NECAB1: variants seen among roughly 807,000 people sequenced by gnomAD.
NECAB1 encodes N-terminal EF-hand calcium-binding protein 1.
Under a neutral mutation model 57.5 loss-of-function variants are expected in NECAB1, and 29 were observed. That is an observed-to-expected ratio of 0.50 (90% CI 0.38 to 0.69). The LOEUF is 0.69. Among genes scored for constraint, NECAB1 ranks in the 30% least tolerant of loss-of-function variants. NECAB1 has a pLI of 0.00. For synonymous variants in NECAB1, 142 were observed against 147.7 expected (o/e 0.96, Z 0.28); for missense variants, 372 against 413.8 (o/e 0.90, Z 0.88).
intron 3 of NECAB1, among the ~76,000 whole-genome samples, chr8:90,825,727 T>C (rs1382762197): frequency 6.6e-6 from 1 of 151,928 alleles, no homozygotes; most frequent in East Asian, 1.9e-4. Flanking sequence ...AAATTCACTT[T>C]ACTCAAGCTG....
At chr8:90,898,211 C>A (rs1253088190) in intron 5 of NECAB1, among the ~76,000 whole-genome samples, 1 of 152,110 alleles carries the variant, frequency 6.6e-6, no homozygotes, top group Non-Finnish European at 1.5e-5. Flanking sequence ...CCTGGCTGCT[C>A]CCATGAGAAT....
intron 5 of NECAB1, among the ~76,000 whole-genome samples, chr8:90,915,140 T>C (rs757975770): frequency 4.6e-5 from 7 of 152,196 alleles, no homozygotes; most frequent in Non-Finnish European, 7.4e-5. Context: ...ATATTAGTCA[T>C]AGTATATACT....
intron 4 of NECAB1, among the ~76,000 whole-genome samples, chr8:90,875,204 G>A (rs1361941122): frequency 2.6e-5 from 4 of 152,124 alleles, no homozygotes; most frequent in East Asian, 1.9e-4. Flanking sequence ...AGTTGAGGCC[G>A]GGCGCGGTGG....
intron 3 of NECAB1, among the ~76,000 whole-genome samples, chr8:90,852,707 C>T (rs1196638522): frequency 1.3e-5 from 2 of 152,176 alleles, no homozygotes; most frequent in Non-Finnish European, 2.9e-5. Flanking sequence ...GACAGTGTAA[C>T]TTTGGAGAAG....
At chr8:90,894,904 T>C (rs760625784) in intron 5 of NECAB1, among the ~76,000 whole-genome samples, 3 of 152,210 alleles carry the variant, frequency 2.0e-5, no homozygotes, top group Non-Finnish European at 2.9e-5. Context: ...TAAGTGTAAG[T>C]GCTTCATGAG....
intron 4 of NECAB1, among the ~76,000 whole-genome samples, chr8:90,873,005 C>T (rs925215027): frequency 3.3e-5 from 5 of 151,988 alleles, no homozygotes; most frequent in African/African-American, 1.2e-4. Context: ...TAAAAAAAGG[C>T]CATTTTCTTA....
chr8:90,835,555 A>G (rs1812357807), intron 3 of NECAB1, among the ~76,000 whole-genome samples: 1 of 152,032 alleles, frequency 6.6e-6, no homozygotes. Context: ...AAATAATAAT[A>G]ATAATTATTA....
chr8:90,950,965 G>T, intron 11 of NECAB1, 148 bp from the exon 12 acceptor site: 1 of 403,914 alleles, frequency 2.5e-6, no homozygotes, highest in Non-Finnish European at 4.4e-6. Context: ...TTTGAAAGCT[G>T]AACAACCATT....
At chr8:90,951,403 C>T (rs1476373789) in intron 12 of NECAB1, among the ~76,000 whole-genome samples, 199 bp downstream of exon 12, 2 of 151,966 alleles carry the variant, frequency 1.3e-5, no homozygotes, top group East Asian at 1.9e-4. Flanking sequence ...TTAGTTGACC[C>T]TATTTGTATT....
At chr8:90,878,348 G>A (rs1808768451) in intron 4 of NECAB1, among the ~76,000 whole-genome samples, 1 of 152,124 alleles carries the variant, frequency 6.6e-6, no homozygotes, top group African/African-American at 2.4e-5. Flanking sequence ...AGGTTTGTTA[G>A]GCCACAGAAT....
intron 3 of NECAB1, among the ~76,000 whole-genome samples, chr8:90,841,557 A>ACTTAGG (rs1422306791): frequency 1.3e-5 from 2 of 152,216 alleles, no homozygotes; most frequent in African/African-American, 4.8e-5. Flanking sequence ...ATTGGAGGCC[A>ACTTAGG]CTTAGGCTTG....
chr8:90,909,715 T>C (rs1809781510), intron 5 of NECAB1, among the ~76,000 whole-genome samples: 1 of 152,150 alleles, frequency 6.6e-6, no homozygotes, highest in South Asian at 2.1e-4. Context: ...TTGCTCTATA[T>C]GTCTCCATGC....
chr8:90,947,651 T>C (rs749893060), intron 10 of NECAB1, among the ~76,000 whole-genome samples: 2 of 152,218 alleles, frequency 1.3e-5, no homozygotes, highest in Non-Finnish European at 2.9e-5. Context: ...TCCGCCCACC[T>C]TGGCCTCCCA....
In NECAB1 at chr8:90,955,471, A is replaced by G. The variant is rs2130286436; in HGVS notation, c.1031-16A>G. The G allele has an allele frequency of 6.5e-7, 1 of 1,538,202 alleles. No homozygotes were observed. Among genetic ancestry groups the G allele is most frequent in the Non-Finnish European group, 8.8e-7 (1 of 1,137,896 alleles). On this transcript the variant is annotated splice_polypyrimidine_tract_variant and intron_variant, in intron 12 of 12. Coordinates refer to ENST00000417640, the MANE Select transcript of NECAB1 (RefSeq NM_022351.5). ...AGTTATTTTCATTATTTTAGAAAAC[A>G]TTTTTCTCTTTTCAGCTTCGTGGTG...
At chr8:90,896,730 C>A (rs1809351229) in intron 5 of NECAB1, among the ~76,000 whole-genome samples, 1 of 152,194 alleles carries the variant, frequency 6.6e-6, no homozygotes, top group Non-Finnish European at 1.5e-5. Flanking sequence ...CGATTATCTA[C>A]TCCACCCTGA....
At chr8:90,923,245 G>C (rs1476879507) in intron 6 of NECAB1, among the ~76,000 whole-genome samples, 1 of 152,218 alleles carries the variant, frequency 6.6e-6, no homozygotes, top group Non-Finnish European at 1.5e-5. Flanking sequence ...GCTGTCTGGA[G>C]AAGGTGAGCA....
intron 3 of NECAB1, among the ~76,000 whole-genome samples, chr8:90,865,526 G>C (rs1193459439): frequency 6.6e-6 from 1 of 152,190 alleles, no homozygotes; most frequent in African/African-American, 2.4e-5. Flanking sequence ...GTCTTAAGCA[G>C]AAGGGATTTG....
intron 4 of NECAB1, among the ~76,000 whole-genome samples, chr8:90,875,544 A>C (rs1808707251): frequency 6.7e-6 from 1 of 148,370 alleles, no homozygotes; most frequent in Non-Finnish European, 1.5e-5. Context: ...TTTACAGATG[A>C]GCGAAGAATA....
intron 2 of NECAB1, among the ~76,000 whole-genome samples, chr8:90,805,804 A>T (rs1450112425): frequency 6.6e-6 from 1 of 152,192 alleles, no homozygotes; most frequent in African/African-American, 2.4e-5. Context: ...GATTAGATAA[A>T]TGTATACATT....
Sources: allele counts gnomAD v4.1 joint callset (sites outside exome capture counted in the v4.1 genomes callset), GRCh38; gene constraint gnomAD v4.1.1; transcripts MANE v1.5; gene names NCBI Gene and HGNC (gene_info 2026-07-23, HGNC 2026-07-21).